Variants in KCTD1 observed in about 807,000 individuals in gnomAD.
KCTD1 encodes potassium channel tetramerization domain containing 1, also known as BTB/POZ domain-containing protein KCTD1.
Under a neutral mutation model 66.0 loss-of-function variants are expected in KCTD1, and 24 were observed. The ratio of observed to expected loss-of-function variants is 0.36; its 90% confidence interval spans 0.26 to 0.51. The LOEUF is 0.51. Among genes scored for constraint, KCTD1 ranks in the 20% least tolerant of loss-of-function variants. The pLI, the probability that KCTD1 is intolerant of heterozygous loss-of-function variation, is 0.95. For synonymous variants in KCTD1, 511 were observed against 517.2 expected, an observed-to-expected ratio of 0.99 and a Z score of 0.16; for missense variants, 943 against 1,205.2, an observed-to-expected ratio of 0.78 and a Z score of 3.22.
At chr18:26,601,816 T>A (rs913324846) in intron 1 of KCTD1, among the ~76,000 whole-genome samples, 7 of 152,342 alleles carry the variant, frequency 4.6e-5, no homozygotes, top group African/African-American at 1.7e-4. Context: ...TCATTATTAG[T>A]GTATACAATT....
intron 1 of KCTD1, among the ~76,000 whole-genome samples, chr18:26,506,489 A>G (rs545580630): frequency 5.3e-5 from 8 of 152,334 alleles, no homozygotes; most frequent in East Asian, 1.9e-4. Flanking sequence ...CCAAGGCTCC[A>G]AAGTGGGAGA....
chr18:26,537,876 T>C (rs900187457), intron 1 of KCTD1, among the ~76,000 whole-genome samples: 2 of 152,248 alleles, frequency 1.3e-5, no homozygotes, highest in Non-Finnish European at 2.9e-5. Flanking sequence ...TCATTTCATC[T>C]GTGAATGTGC....
chr18:26,656,965 G>A (rs1988164905), intron 1 of KCTD1, among the ~76,000 whole-genome samples: 1 of 149,268 alleles, frequency 6.7e-6, no homozygotes, highest in Non-Finnish European at 1.5e-5. Context: ...GCGCGGAGCG[G>A]CGGGCGGGCG....
chr18:26,537,851 C>T (rs1341486095), intron 1 of KCTD1, among the ~76,000 whole-genome samples: 6 of 152,218 alleles, frequency 3.9e-5, no homozygotes. Context: ...TGATTTCATT[C>T]TGTTCATTGT....
At chr18:26,598,116 C>T (rs1200003254) in intron 1 of KCTD1, among the ~76,000 whole-genome samples, 15 of 152,172 alleles carry the variant, frequency 9.9e-5, no homozygotes, top group Non-Finnish European at 2.2e-4. Flanking sequence ...TTGACTTCCC[C>T]TCAACTCCTA....
chr18:26,624,657 C>G (rs888559495), intron 1 of KCTD1, among the ~76,000 whole-genome samples: 2 of 152,222 alleles, frequency 1.3e-5, no homozygotes, highest in African/African-American at 2.4e-5. Flanking sequence ...AGTGGCGGAG[C>G]CTTCATGGAG....
intron 1 of KCTD1, among the ~76,000 whole-genome samples, chr18:26,619,476 T>C (rs1331012669): frequency 6.6e-6 from 1 of 152,256 alleles, no homozygotes; most frequent in Non-Finnish European, 1.5e-5. Flanking sequence ...AGACGTATTG[T>C]AGGTGACACT....
At chr18:26,480,786 T>C (rs927777595) in intron 2 of KCTD1, among the ~76,000 whole-genome samples, 40 of 151,926 alleles carry the variant, frequency 2.6e-4, no homozygotes, top group African/African-American at 9.7e-4. Flanking sequence ...AAATTAGCAC[T>C]CTGTTGATTA....
chr18:26,613,480 T>C (rs897046667), intron 1 of KCTD1, among the ~76,000 whole-genome samples: 13 of 152,202 alleles, frequency 8.5e-5, no homozygotes, highest in Admixed American at 7.2e-4. Context: ...GGAGGTAACA[T>C]GATTTGGTAC....
At chr18:26,632,133 C>G (rs1442051907), upstream of KCTD1, among the ~76,000 whole-genome samples, 1 of 151,468 alleles carries the variant, frequency 6.6e-6, no homozygotes, top group African/African-American at 2.4e-5. Flanking sequence ...ACCTGTAATC[C>G]CCGCACTTTG....
chr18:26,553,272 A>C (rs1037636501), upstream of KCTD1, among the ~76,000 whole-genome samples: 2 of 152,226 alleles, frequency 1.3e-5, no homozygotes, highest in Admixed American at 1.3e-4. Context: ...ATTCTGTTGA[A>C]TTCAACTGAG....
chr18:26,636,126 A>C (rs116271164), intron 1 of KCTD1, among the ~76,000 whole-genome samples: 1,821 of 152,142 alleles, frequency 0.012, 42 homozygotes, highest in African/African-American at 0.041. Flanking sequence ...GTATCTAGAT[A>C]ATTTGTCCAG....
At chr18:26,493,273 G>A (rs190306237) in intron 2 of KCTD1, among the ~76,000 whole-genome samples, 2 of 152,302 alleles carry the variant, frequency 1.3e-5, no homozygotes, top group Admixed American at 1.3e-4. Flanking sequence ...CGATGTCTGT[G>A]GCTAGCAGAG....
Position 26,500,000 on chromosome 18 carries a change from C to A in KCTD1, c.1988+1072G>T, listed in dbSNP as rs556675273. On this transcript the variant is annotated intron_variant, in intron 2 of 4. Coordinates refer to ENST00000580059, the MANE Select transcript of KCTD1 (RefSeq NM_001142730.3). ...CTCCTTTAGAAATGGGTGGTTGGGG[C>A]AAGGTGCAGTGGCTCACACCTGTAA... 2.0e-5 allele frequency among the ~76,000 whole-genome samples: 3 copies of A among 152,308 alleles called. 1 individual carries two copies. The highest frequency in any genetic ancestry group is 7.2e-5 in the African/African-American group (3 of 41,574).
intron 3 of KCTD1, among the ~76,000 whole-genome samples, chr18:26,470,982 TG>T (rs1567958377): frequency 1.3e-5 from 2 of 152,162 alleles, no homozygotes; most frequent in South Asian, 4.1e-4. Flanking sequence ...CAGAGCTTTC[TG>T]GGCCTTGTGG....
At chr18:26,564,745 C>T (rs922098573) in intron 1 of KCTD1, among the ~76,000 whole-genome samples, 1 of 151,970 alleles carries the variant, frequency 6.6e-6, no homozygotes, top group Admixed American at 6.6e-5. Context: ...CAAAATTATT[C>T]GGGCATGGTG....
At chr18:26,536,766 T>C (rs1203382671) in intron 1 of KCTD1, among the ~76,000 whole-genome samples, 1 of 152,238 alleles carries the variant, frequency 6.6e-6, no homozygotes, top group East Asian at 1.9e-4. Flanking sequence ...CTTTCAGAAA[T>C]GAATCTGCTT....
upstream of KCTD1, among the ~76,000 whole-genome samples, chr18:26,632,226 A>G (rs1039988467): frequency 3.3e-5 from 5 of 151,944 alleles, no homozygotes; most frequent in Admixed American, 6.6e-5. Flanking sequence ...CTCTACTAAA[A>G]ATACAAAAAA....
upstream of KCTD1, among the ~76,000 whole-genome samples, chr18:26,551,152 G>A (rs534955994): frequency 3.9e-4 from 60 of 152,308 alleles, no homozygotes; most frequent in African/African-American, 1.3e-3. Flanking sequence ...TGCCGGAGGC[G>A]GTGTGCTGGG....
Sources: gnomAD v4.1 joint callset for allele counts (sites outside exome capture counted in the v4.1 genomes callset) on GRCh38, gnomAD v4.1.1 for gene constraint, MANE v1.5 for transcripts, NCBI Gene and HGNC (gene_info 2026-07-23, HGNC 2026-07-21) for gene names.